CCM2: variants seen among roughly 807,000 people sequenced by gnomAD.
CCM2 encodes the protein cerebral cavernous malformations 2 protein.
In CCM2, 25 loss-of-function variants were observed where a neutral mutation model predicts 44.9. That is an observed-to-expected ratio of 0.56 (90% CI 0.41 to 0.78). CCM2 has a LOEUF of 0.78. CCM2 is among the 30% of genes least tolerant of loss of function. The pLI, the probability that CCM2 is intolerant of heterozygous loss-of-function variation, is 0.00. For synonymous variants in CCM2, 219 were observed against 241.1 expected, an observed-to-expected ratio of 0.91 and a Z score of 0.85; for missense variants, 481 against 580.6, an observed-to-expected ratio of 0.83 and a Z score of 1.76.
At chr7:45,050,974 A>G (rs1562893768) in intron 2 of CCM2, among the ~76,000 whole-genome samples, 1 of 152,212 alleles carries the variant, frequency 6.6e-6, no homozygotes, top group South Asian at 2.1e-4. Flanking sequence ...CAACCTGATC[A>G]TGCTCTAAAG....
In CCM2 at chr7:45,076,183, C is replaced by A; in HGVS notation, c.*126C>A. On this transcript the variant is annotated 3_prime_UTR_variant, in exon 10 of 10. Coordinates refer to ENST00000258781, the MANE Select transcript of CCM2 (RefSeq NM_031443.4). ...AGGGAGAGGCGCCCGGTGCAGATGGCCCCGGGCGGCCCAGGTCCTCTACTG... is the reference window on the plus strand; with the variant it reads ...AGGGAGAGGCGCCCGGTGCAGATGGACCCGGGCGGCCCAGGTCCTCTACTG... 2 of 1,349,904 alleles carry A rather than the reference C, an allele frequency of 1.5e-6. No individual in the cohort carries two copies. Among genetic ancestry groups the A allele is most frequent in the Non-Finnish European group, 2.0e-6 (2 of 976,244 alleles). 83.6% of individuals were successfully genotyped at this position (1,349,904 alleles called of 1,614,324 possible).
At chr7:45,070,403 C>G (rs1299340076) in intron 6 of CCM2, 4 of 454,952 alleles carry the variant, frequency 8.8e-6, no homozygotes, top group African/African-American at 8.0e-5. Flanking sequence ...ATGGCCAGAC[C>G]CATGGGAAGC....
At position 45,063,988 on chromosome 7, in the gene CCM2, T is replaced by C; in HGVS notation, c.275T>C (p.Ile92Thr). 6.2e-7 allele frequency: 1 copy of C among 1,611,494 alleles called. No individual in the cohort carries two copies. Among genetic ancestry groups the C allele is most frequent in the Non-Finnish European group, 8.5e-7 (1 of 1,177,648 alleles). Residue 92 changes from isoleucine to threonine, a missense_variant, in exon 3 of 10, where the codon ATA (isoleucine) becomes ACA (threonine). Transcript: ENST00000258781. ...AGTAGGACTGAAATCCTGCATTTCATAGACAATGCAAAGGTAACCCTATCC... is the reference window on the plus strand; with the variant it reads ...AGTAGGACTGAAATCCTGCATTTCACAGACAATGCAAAGGTAACCCTATCC... ...PSSRTEILHFIDNAKRAHQLP... is the reference protein window; with the variant it reads ...PSSRTEILHFTDNAKRAHQLP...
chr7:45,031,423 A>G (rs1796964874), intron 1 of CCM2, among the ~76,000 whole-genome samples: 1 of 150,140 alleles, frequency 6.7e-6, no homozygotes. Context: ...TTAGTCACTT[A>G]GGCTGGAGTG....
At chr7:45,073,935 G>A in intron 8 of CCM2, 1 of 520,916 alleles carries the variant, frequency 1.9e-6, no homozygotes, top group Non-Finnish European at 3.5e-6. Flanking sequence ...TGATTTGCCT[G>A]TGTGCCTGTG....
intron 4 of CCM2, among the ~76,000 whole-genome samples, chr7:45,066,017 C>CT (rs1409169458): frequency 6.6e-6 from 1 of 152,150 alleles, no homozygotes; most frequent in Non-Finnish European, 1.5e-5. Context: ...AGGCTCCTCC[C>CT]TTTATTTCTT....
chr7:45,038,674 G>A (rs1583902936), intron 2 of CCM2, among the ~76,000 whole-genome samples: 1 of 152,294 alleles, frequency 6.6e-6, no homozygotes, highest in East Asian at 1.9e-4. Context: ...TCGAAGACTT[G>A]GCTGTGTGAG....
At chr7:45,027,703 G>A in intron 1 of CCM2, 10 of 1,614,046 alleles carry the variant, frequency 6.2e-6, no homozygotes, top group Non-Finnish European at 8.5e-6. Context: ...AGTGAGTAGA[G>A]AATGCATAGT....
rs371574690 is a variant in CCM2 at position 45,034,708 on chromosome 7, CGG to C, written c.31-3544_31-3543del. 3.5e-4 allele frequency among the ~76,000 whole-genome samples: 52 copies of C among 150,708 alleles called. 1 individual carries two copies. The East Asian group carries it at 8.4e-3, about 24-fold the overall frequency. On this transcript the variant is annotated intron_variant, in intron 1 of 9. Transcript: ENST00000258781. ...TAATTTTTGTTATTTTTAGTAGAGA[CGG>C]AGTTTCACCATCTTGGCCAGGCTGG...
intron 1 of CCM2, among the ~76,000 whole-genome samples, chr7:45,007,480 TTTTG>T (rs768218990): frequency 4.6e-5 from 7 of 152,230 alleles, no homozygotes; most frequent in East Asian, 1.9e-4. Context: ...CATTAGGATT[TTTTG>T]TTTGTTTGTT....
chr7:45,046,185 G>T (rs991869407), intron 2 of CCM2, among the ~76,000 whole-genome samples: 2 of 152,202 alleles, frequency 1.3e-5, no homozygotes, highest in East Asian at 1.9e-4. Flanking sequence ...ATTTCAGCAA[G>T]AATTTTTTGT....
At chr7:45,027,360 G>T in intron 1 of CCM2, 1 of 384,774 alleles carries the variant, frequency 2.6e-6, no homozygotes. Context: ...TTTAGCTTTG[G>T]CATTTGAATG....
intron 2 of CCM2, among the ~76,000 whole-genome samples, chr7:45,063,543 T>G (rs931940492): frequency 6.3e-4 from 96 of 152,338 alleles, no homozygotes; most frequent in African/African-American, 2.0e-3. Flanking sequence ...TTAGTGAAGT[T>G]GTGCATGATG....
chr7:45,013,779 G>C (rs1309027996), intron 1 of CCM2, among the ~76,000 whole-genome samples: 16 of 152,142 alleles, frequency 1.1e-4, no homozygotes, highest in East Asian at 1.9e-4. Context: ...TCTGATGATT[G>C]ATATTTTTGA....
chr7:45,004,428 G>C (rs1219400510), intron 1 of CCM2, among the ~76,000 whole-genome samples: 1 of 152,164 alleles, frequency 6.6e-6, no homozygotes, highest in Non-Finnish European at 1.5e-5. Context: ...GTATTTTTGA[G>C]AATTTCCATA....
At chr7:45,075,381 C>T (rs56264529) in intron 9 of CCM2, among the ~76,000 whole-genome samples, 1,583 of 152,354 alleles carry the variant, frequency 0.01, 25 homozygotes, top group African/African-American at 0.037. Flanking sequence ...CCCTTGTTGC[C>T]GGGTGCCAGC....
chr7:45,018,912 A>ACC (rs1796370818), intron 1 of CCM2, among the ~76,000 whole-genome samples: 1 of 151,754 alleles, frequency 6.6e-6, no homozygotes, highest in East Asian at 1.9e-4. Flanking sequence ...GGCATGCACC[A>ACC]CCATGCCAGG....
intron 1 of CCM2, among the ~76,000 whole-genome samples, chr7:45,033,710 T>A (rs1342466142): frequency 6.6e-6 from 1 of 152,192 alleles, no homozygotes; most frequent in Non-Finnish European, 1.5e-5. Flanking sequence ...CAAATGCCTC[T>A]GTATTTCCAT....
chr7:45,067,001 C>T (rs562206177), intron 4 of CCM2, among the ~76,000 whole-genome samples: 20 of 151,658 alleles, frequency 1.3e-4, no homozygotes, highest in Admixed American at 3.9e-4. Flanking sequence ...CCCAGGTTCA[C>T]GCCATTCTCC....
Sources: allele counts gnomAD v4.1 joint callset (sites outside exome capture counted in the v4.1 genomes callset), GRCh38; gene constraint gnomAD v4.1.1; transcripts MANE v1.5; gene names NCBI Gene and HGNC (gene_info 2026-07-23, HGNC 2026-07-21).